The following DLC1 variants were observed in gnomAD, a reference collection of about 807,000 sequenced individuals.
DLC1 encodes the protein DLC1 Rho GTPase activating protein.
Under a neutral mutation model 140.3 loss-of-function variants are expected in DLC1, and 54 were observed. The observed-to-expected ratio is 0.38, with a 90% confidence interval of 0.31 to 0.48. The LOEUF is 0.48. Ranked by LOEUF, DLC1 falls within the 20% of genes least tolerant of loss-of-function variation. DLC1 has a pLI of 0.96. For synonymous variants in DLC1, 986 were observed against 728.1 expected (o/e 1.35, Z -5.70); for missense variants, 2,536 against 1,907.0 (o/e 1.33, Z -6.14).
intron 4 of DLC1, among the ~76,000 whole-genome samples, chr8:13,382,659 C>G (rs1360190834): frequency 6.6e-6 from 1 of 151,662 alleles, no homozygotes; most frequent in African/African-American, 2.4e-5. Context: ...AATAAAGAAA[C>G]AATGAAAAAC....
At position 13,130,017 on chromosome 8, in the gene DLC1, A is replaced by G. The variant is rs57374723; in HGVS notation, c.1349-14360T>C. On this transcript the variant is annotated intron_variant, in intron 5 of 17. Transcript: ENST00000276297. ...ATACTGGACCATCCTGTCCAGCACA[A>G]GGCTCTCTTCCAAAAAGTCCGATCC... Among the ~76,000 whole-genome samples the G allele has an allele frequency of 1.1e-3, 163 of 152,294 alleles. 1 individual carries two copies. Among genetic ancestry groups the G allele is most frequent in the African/African-American group, 3.5e-3 (146 of 41,560 alleles).
At chr8:13,293,265 C>T (rs1831831019) in intron 5 of DLC1, among the ~76,000 whole-genome samples, 1 of 151,934 alleles carries the variant, frequency 6.6e-6, no homozygotes, top group South Asian at 2.1e-4. Context: ...AATTAATAGC[C>T]AAATGGCATG....
intron 13 of DLC1, among the ~76,000 whole-genome samples, chr8:13,091,965 G>T (rs1818112891): frequency 6.6e-6 from 1 of 152,100 alleles, no homozygotes; most frequent in Non-Finnish European, 1.5e-5. Flanking sequence ...ATTTAAATGT[G>T]GCCGGGCGCA....
chr8:13,375,203 A>G (rs1285729173), intron 4 of DLC1, among the ~76,000 whole-genome samples: 2 of 151,764 alleles, frequency 1.3e-5, no homozygotes, highest in Admixed American at 6.6e-5. Context: ...AAATTTTTGT[A>G]TTTTTAGTAG....
intron 1 of DLC1, among the ~76,000 whole-genome samples, chr8:13,525,774 G>C (rs531044774): frequency 6.6e-6 from 1 of 152,112 alleles, no homozygotes; most frequent in East Asian, 1.9e-4. Flanking sequence ...TTGTCTTTTA[G>C]TTTTCTTTTG....
intron 2 of DLC1, among the ~76,000 whole-genome samples, chr8:13,497,554 G>T (rs1192344999): frequency 6.6e-6 from 1 of 152,186 alleles, no homozygotes; most frequent in Admixed American, 6.5e-5. Context: ...ACATGTCCAA[G>T]AGTAAATTCT....
At chr8:13,518,037 T>C (rs1327333364), upstream of DLC1, among the ~76,000 whole-genome samples, 1 of 152,202 alleles carries the variant, frequency 6.6e-6, no homozygotes, top group African/African-American at 2.4e-5. Context: ...GGAACAATTA[T>C]GTACTCTGTG....
intron 5 of DLC1, among the ~76,000 whole-genome samples, chr8:13,119,893 G>A (rs377746274): frequency 1.4e-3 from 204 of 150,764 alleles, no homozygotes; most frequent in African/African-American, 4.6e-3. Flanking sequence ...ACCAGCCTGG[G>A]CAATACAGTG....
intron 2 of DLC1, among the ~76,000 whole-genome samples, chr8:13,451,777 A>G (rs191130992): frequency 4.1e-4 from 63 of 152,310 alleles, no homozygotes; most frequent in South Asian, 2.1e-3. Context: ...GTTGATGGAC[A>G]CTTAGGTTGC....
chr8:13,092,885 A>T (rs1818197662), intron 12 of DLC1, 60 bp from the exon 13 acceptor site: 1 of 1,545,194 alleles, frequency 6.5e-7, no homozygotes, highest in Non-Finnish European at 8.8e-7. Context: ...ATTGCAAGGA[A>T]ATGTCCCAGA....
chr8:13,497,310 T>C lies in DLC1; in HGVS notation c.1023+1739A>G, dbSNP rs928456412. Among the ~76,000 whole-genome samples the C allele has an allele frequency of 7.9e-5, 12 of 152,312 alleles. No homozygotes were observed. In the South Asian group the frequency reaches 8.3e-4, roughly 11 times the overall value. On this transcript the variant is annotated intron_variant, in intron 2 of 17. Transcript: ENST00000276297. Reference sequence around the variant, plus strand: ...AAACAAAAATTCTTACACGTTTTAGTTCTAAGGGCTTCTCACATAATTGTA... The same window carrying C: ...AAACAAAAATTCTTACACGTTTTAGCTCTAAGGGCTTCTCACATAATTGTA...
intron 4 of DLC1, among the ~76,000 whole-genome samples, chr8:13,379,945 T>C (rs1836176170): frequency 1.3e-5 from 2 of 152,138 alleles, no homozygotes; most frequent in East Asian, 3.9e-4. Context: ...AGCTGAACAA[T>C]GAGAACACAT....
chr8:13,268,906 A>G (rs1359799454), intron 5 of DLC1, among the ~76,000 whole-genome samples: 4 of 116,098 alleles, frequency 3.4e-5, no homozygotes, highest in Admixed American at 1.2e-4. Context: ...ATGGAGTCTC[A>G]CTCTGTGGCC....
At chr8:13,090,130 C>G (rs932386309) in intron 15 of DLC1, 122 bp downstream of exon 15, 7 of 910,894 alleles carry the variant, frequency 7.7e-6, no homozygotes, top group African/African-American at 1.7e-5. Flanking sequence ...GTGCCCAGCT[C>G]TACAAGGGAG....
chr8:13,300,157 T>C (rs1385105411), intron 5 of DLC1, among the ~76,000 whole-genome samples: 1 of 152,106 alleles, frequency 6.6e-6, no homozygotes, highest in Admixed American at 6.5e-5. Context: ...CTGAAAGCCA[T>C]CATCTTCAGC....
At chr8:13,175,088 T>C (rs1347418960) in intron 5 of DLC1, among the ~76,000 whole-genome samples, 2 of 152,218 alleles carry the variant, frequency 1.3e-5, no homozygotes, top group Admixed American at 1.3e-4. Flanking sequence ...GGCTAGCCAG[T>C]TATCCCAGCA....
In DLC1 at chr8:13,149,336, G is replaced by T. The variant is rs74516055; in HGVS notation, c.1349-33679C>A. Among the ~76,000 whole-genome samples the T allele has an allele frequency of 4.5e-4, 69 of 152,186 alleles. No homozygotes were observed. In the East Asian group the frequency reaches 0.012, roughly 27 times the overall value. On this transcript the variant is annotated intron_variant, in intron 5 of 17. Transcript: ENST00000276297. The stretch of plus-strand genomic sequence containing the variant: ...GAAATTTTAAAACGGCAACTCTGGT[G>T]CCTCATTGTATTCTGGGCATTAATA...
chr8:13,249,644 T>C (rs1829918005), intron 5 of DLC1, among the ~76,000 whole-genome samples: 2 of 152,194 alleles, frequency 1.3e-5, no homozygotes, highest in South Asian at 4.1e-4. Context: ...TTCTCTCTCT[T>C]TCTCTTTCTG....
At chr8:13,405,917 T>TTTTCTTTCTTTCTTTCTTTCTTTCTTTC (rs71207150) in intron 2 of DLC1, among the ~76,000 whole-genome samples, 5 of 84,904 alleles carry the variant, frequency 5.9e-5, no homozygotes, top group African/African-American at 4.7e-5. Flanking sequence ...CTTTCTTTTC[T>TTTTCTTTCTTTCTTTCTTTCTTTCTTTC]TTTCTTTCTT....
Sources: gnomAD v4.1 joint callset for allele counts (sites outside exome capture counted in the v4.1 genomes callset) on GRCh38, gnomAD v4.1.1 for gene constraint, MANE v1.5 for transcripts, NCBI Gene and HGNC (gene_info 2026-07-23, HGNC 2026-07-21) for gene names.